The following PIK3AP1 variants were observed in gnomAD, a reference collection of about 807,000 sequenced individuals.
PIK3AP1 encodes phosphoinositide 3-kinase adapter protein 1.
In PIK3AP1, 21 loss-of-function variants were observed where a neutral mutation model predicts 88.1. The observed-to-expected ratio is 0.24, with a 90% CI of 0.17 to 0.34. The LOEUF is 0.34. Among genes scored for constraint, PIK3AP1 ranks in the 10% least tolerant of loss-of-function variants. The pLI is 1.00. For missense variants in PIK3AP1, 828 were observed against 1,035.7 expected (o/e 0.80, Z 2.75); for synonymous variants, 398 against 400.0 (o/e 1.00, Z 0.06).
chr10:96,612,106 G>C (rs1849121162), intron 13 of PIK3AP1, among the ~76,000 whole-genome samples: 1 of 152,288 alleles, frequency 6.6e-6, no homozygotes, highest in South Asian at 2.1e-4. Context: ...CTGAGGCACA[G>C]AGTGGTTAAA....
intron 13 of PIK3AP1, among the ~76,000 whole-genome samples, chr10:96,612,913 T>C (rs928101390): frequency 2.1e-5 from 3 of 142,362 alleles, no homozygotes; most frequent in Admixed American, 1.4e-4. Flanking sequence ...GGCACAACAC[T>C]GTGAATGTAC....
intron 2 of PIK3AP1, among the ~76,000 whole-genome samples, chr10:96,706,370 A>AT (rs1334035110): frequency 1.3e-5 from 2 of 152,296 alleles, no homozygotes; most frequent in Non-Finnish European, 2.9e-5. Context: ...CAAGAGGAGT[A>AT]TTTTTTAAAA....
rs376928393 is a variant in PIK3AP1, at chr10:96,680,325, A to T, written c.431-23391T>A. ...ATTGATTTTTTTTTTTTAACTTTTAAGTTCAGGGGTACATGTGCAGGTTTG... is the reference window on the plus strand; with the variant it reads ...ATTGATTTTTTTTTTTTAACTTTTATGTTCAGGGGTACATGTGCAGGTTTG... On this transcript the variant is annotated intron_variant, in intron 2 of 16. Coordinates refer to ENST00000339364, the MANE Select transcript of PIK3AP1 (RefSeq NM_152309.3). Among the ~76,000 whole-genome samples the T allele has an allele frequency of 7.2e-5, 11 of 151,952 alleles. No individual in the cohort carries two copies. In the South Asian group the frequency reaches 2.3e-3, roughly 32 times the overall value.
At chr10:96,696,585 C>T (rs533331890) in intron 2 of PIK3AP1, among the ~76,000 whole-genome samples, 10 of 152,236 alleles carry the variant, frequency 6.6e-5, no homozygotes, top group African/African-American at 2.4e-4. Context: ...ATTAACAAAC[C>T]CATTCTGTAA....
At chr10:96,702,272 G>A (rs11598254) in intron 2 of PIK3AP1, among the ~76,000 whole-genome samples, 16 of 152,100 alleles carry the variant, frequency 1.1e-4, no homozygotes, top group Admixed American at 9.8e-4. Flanking sequence ...AGGCCGAGGC[G>A]GGAGGATCAT....
chr10:96,667,426 T>C (rs1322371769), intron 2 of PIK3AP1, among the ~76,000 whole-genome samples: 1 of 152,234 alleles, frequency 6.6e-6, no homozygotes, highest in Non-Finnish European at 1.5e-5. Context: ...GCGGTTACAA[T>C]ATGCTAGGAA....
chr10:96,596,925 A>G (rs1848763774), intron 16 of PIK3AP1, among the ~76,000 whole-genome samples: 1 of 152,242 alleles, frequency 6.6e-6, no homozygotes, highest in South Asian at 2.1e-4. Flanking sequence ...AATATGTACT[A>G]AATGTCTCTT....
intron 16 of PIK3AP1, among the ~76,000 whole-genome samples, chr10:96,596,364 A>T (rs1294452408): frequency 6.6e-6 from 1 of 152,192 alleles, no homozygotes; most frequent in African/African-American, 2.4e-5. Flanking sequence ...ACTGGCCCTG[A>T]TGCTTCCCCA....
Position 96,602,361 on chromosome 10 carries a change from G to A in PIK3AP1, c.2279C>T (p.Pro760Leu). ...TGTCCCATCCACTTGTGGGGGGCCTGGACTGCGACTTCTGGTAACCTCAGG... is the reference window on the plus strand; with the variant it reads ...TGTCCCATCCACTTGTGGGGGGCCTAGACTGCGACTTCTGGTAACCTCAGG... The part of the protein sequence containing the change: ...EVPEVTRSRS[P>L]GPPQVDGTPT... The change falls in exon 16 of 17, where the codon CCA becomes CTA. Residue 760 changes from proline to leucine, a missense_variant. Transcript: ENST00000339364. 1 of 1,612,712 alleles carries A rather than the reference G, an allele frequency of 6.2e-7. No individual in the cohort carries two copies. The highest frequency in any genetic ancestry group is 2.2e-5 in the East Asian group (1 of 44,792).
chr10:96,614,169 G>A (rs908162917), intron 13 of PIK3AP1, among the ~76,000 whole-genome samples: 27 of 152,130 alleles, frequency 1.8e-4, no homozygotes, highest in Admixed American at 1.4e-3. Context: ...CCAGACGGCT[G>A]AGCACATGTG....
chr10:96,630,195 A>G (rs1010668269), intron 8 of PIK3AP1, among the ~76,000 whole-genome samples: 1 of 152,128 alleles, frequency 6.6e-6, no homozygotes, highest in Non-Finnish European at 1.5e-5. Context: ...CCTTATTTCT[A>G]CTTCTTCAGT....
intron 7 of PIK3AP1, among the ~76,000 whole-genome samples, chr10:96,647,758 G>C (rs1447314898): frequency 6.6e-6 from 1 of 152,184 alleles, no homozygotes; most frequent in Non-Finnish European, 1.5e-5. Flanking sequence ...GAGCAAGACC[G>C]GGCTGTGTTT....
intron 2 of PIK3AP1, among the ~76,000 whole-genome samples, chr10:96,660,878 T>C (rs2134242821): frequency 6.6e-6 from 1 of 152,150 alleles, no homozygotes; most frequent in East Asian, 1.9e-4. Flanking sequence ...TGAATGCATA[T>C]TACTAAGTGA....
chr10:96,657,061 G>T, intron 2 of PIK3AP1, 127 bp from the exon 3 acceptor site: 1 of 964,584 alleles, frequency 1.0e-6, no homozygotes, highest in Non-Finnish European at 1.5e-6. Flanking sequence ...AATACAAGCA[G>T]AAGGGACTGA....
intron 2 of PIK3AP1, among the ~76,000 whole-genome samples, chr10:96,697,906 T>A (rs1231749215): frequency 6.6e-6 from 1 of 152,254 alleles, no homozygotes; most frequent in African/African-American, 2.4e-5. Flanking sequence ...TATTTCTTTT[T>A]AAAACATACC....
chr10:96,712,938 G>T (rs1278653930), intron 1 of PIK3AP1, among the ~76,000 whole-genome samples: 1 of 152,202 alleles, frequency 6.6e-6, no homozygotes, highest in East Asian at 1.9e-4. Context: ...TCTCAGGAAG[G>T]GATGGTTGTG....
At chr10:96,706,646 A>G (rs1240471582) in intron 2 of PIK3AP1, among the ~76,000 whole-genome samples, 1 of 152,242 alleles carries the variant, frequency 6.6e-6, no homozygotes, top group Non-Finnish European at 1.5e-5. Context: ...GAACTCAAAG[A>G]GGCAAAATGA....
At chr10:96,650,395 C>T (rs1420731416) in intron 6 of PIK3AP1, among the ~76,000 whole-genome samples, 1 of 152,126 alleles carries the variant, frequency 6.6e-6, no homozygotes, top group Non-Finnish European at 1.5e-5. Flanking sequence ...TCCAGAACAC[C>T]AAGCATCATC....
At chr10:96,707,161 C>A (rs1844374692) in intron 2 of PIK3AP1, among the ~76,000 whole-genome samples, 1 of 152,208 alleles carries the variant, frequency 6.6e-6, no homozygotes, top group South Asian at 2.1e-4. Context: ...GCATACTGAA[C>A]TACAGTCTTT....
Sources: allele counts gnomAD v4.1 joint callset (sites outside exome capture counted in the v4.1 genomes callset), GRCh38; gene constraint gnomAD v4.1.1; transcripts MANE v1.5; gene names NCBI Gene and HGNC (gene_info 2026-07-23, HGNC 2026-07-21).